The following PITPNM2 variants were observed in gnomAD, a reference collection of about 807,000 sequenced individuals.
The protein encoded by PITPNM2 is phosphatidylinositol transfer protein membrane associated 2.
PITPNM2 carries 35 observed loss-of-function variants against 132.2 expected under a neutral mutation model. The observed-to-expected ratio is 0.26, with a 90% CI of 0.20 to 0.35. The LOEUF (loss-of-function observed/expected upper bound fraction) is 0.35, where lower values mean the gene tolerates loss of function less well. Ranked by LOEUF, PITPNM2 falls within the 10% of genes least tolerant of loss-of-function variation. The pLI is 1.00. For synonymous variants in PITPNM2, 738 were observed against 799.2 expected (o/e 0.92, Z 1.29); for missense variants, 1,332 against 1,912.0 (o/e 0.70, Z 5.66).
chr12:122,985,914 C>A lies in PITPNM2; in HGVS notation c.*113G>T. Reference sequence around the variant, plus strand: ...GTGCGGCCCGTGTCCTCCACAAGGCCCTGGGACAATCTCCCAGGCCCACGT... The same window carrying A: ...GTGCGGCCCGTGTCCTCCACAAGGCACTGGGACAATCTCCCAGGCCCACGT... On this transcript the variant is annotated 3_prime_UTR_variant, in exon 26 of 26. Transcript: ENST00000320201. The A allele has an allele frequency of 9.5e-7, 1 of 1,049,340 alleles. No individual in the cohort carries two copies. The highest frequency in any genetic ancestry group is 2.2e-5 in the South Asian group (1 of 45,358). The allele number at this position is 1,049,340 out of a possible 1,614,324, so 65.0% of individuals were successfully genotyped here.
At chr12:123,128,949 A>C (rs2043205057) in intron 1 of PITPNM2, among the ~76,000 whole-genome samples, 1 of 152,094 alleles carries the variant, frequency 6.6e-6, no homozygotes, top group East Asian at 1.9e-4. Context: ...AGTCTGGCCA[A>C]CATGGCGAAA....
chr12:123,128,539 G>A (rs1472639393), intron 1 of PITPNM2, among the ~76,000 whole-genome samples: 1 of 150,956 alleles, frequency 6.6e-6, no homozygotes, highest in African/African-American at 2.4e-5. Flanking sequence ...AAATCACAAG[G>A]TCAGAAGATC....
intron 1 of PITPNM2, among the ~76,000 whole-genome samples, chr12:123,134,617 CA>C (rs1178399639): frequency 6.6e-6 from 1 of 151,648 alleles, no homozygotes; most frequent in African/African-American, 2.4e-5. Context: ...GCGCCCAGGA[CA>C]GGTTTTCCCA....
intron 1 of PITPNM2, among the ~76,000 whole-genome samples, chr12:123,148,948 A>T (rs925232317): frequency 6.6e-6 from 1 of 152,116 alleles, no homozygotes; most frequent in African/African-American, 2.4e-5. Flanking sequence ...TGGGAGCACC[A>T]TGCCTTTGAA....
At chr12:123,074,838 G>A (rs1400707285) in intron 2 of PITPNM2, among the ~76,000 whole-genome samples, 1 of 152,222 alleles carries the variant, frequency 6.6e-6, no homozygotes, top group Non-Finnish European at 1.5e-5. Flanking sequence ...GAGGAAAAGA[G>A]GGAACAGAGG....
In PITPNM2 at chr12:123,004,303, C is replaced by A; in HGVS notation, c.1048+91G>T. 2.5e-6 allele frequency: 3 copies of A among 1,191,004 alleles called. No individual in the cohort carries two copies. The highest frequency in any genetic ancestry group is 1.2e-5 in the South Asian group (1 of 80,330). 73.8% of individuals were successfully genotyped at this position (1,191,004 alleles called of 1,614,324 possible). The stretch of plus-strand genomic sequence containing the variant: ...ATAGAATAGTAACAGGCAACACCCG[C>A]ATCAGTCCACACCCACACCCTAAGC... On this transcript the variant is annotated intron_variant, in intron 8 of 25. Transcript: ENST00000320201. This position sits in a 1 kb window ranked among gnomAD's most constrained non-coding sequence, Gnocchi z 4.9.
intron 1 of PITPNM2, among the ~76,000 whole-genome samples, chr12:123,124,474 G>C (rs2043097892): frequency 6.6e-6 from 1 of 152,046 alleles, no homozygotes; most frequent in African/African-American, 2.4e-5. Context: ...TATATACAGA[G>C]AATCTCTCTG....
chr12:123,012,303 C>T (rs547005493), intron 5 of PITPNM2, among the ~76,000 whole-genome samples: 10 of 152,344 alleles, frequency 6.6e-5, no homozygotes, highest in African/African-American at 2.2e-4. Flanking sequence ...TTGTGCATGG[C>T]TGTCAGCTAG....
chr12:123,076,202 A>T (rs1424045184), intron 2 of PITPNM2: 1 of 152,278 alleles, frequency 6.6e-6, no homozygotes, highest in East Asian at 1.9e-4. Context: ...AGAAGCCTGC[A>T]CACCGCCCAG....
rs1442915120 is a variant in PITPNM2 at position 122,987,647 on chromosome 12, T to G, written c.3127A>C (p.Ile1043Leu). ...TCGCCTGAGGGCGGCTGGGTCATGA[T>G]GTGCACATCCACCTGGGCCCAGCAG... ...TLTGEKVDVH[I>L]MTQPPSGEWL... is the part of the protein sequence containing the mutation. The change falls in exon 22 of 26, where the codon ATC becomes CTC. Residue 1043 changes from isoleucine (I) to leucine (L), a missense_variant. Ile to Leu is a conservative substitution (Grantham distance 5). Around this residue, in one of 6 missense-constraint regions of PITPNM2, gnomAD observed 251 missense variants for 472.0 expected, o/e 0.53. Transcript: ENST00000320201. 1 of 1,613,118 alleles carries G rather than the reference T, an allele frequency of 6.2e-7. No homozygotes were observed. Among genetic ancestry groups the G allele is most frequent in the African/African-American group, 1.3e-5 (1 of 74,926 alleles).
intron 1 of PITPNM2, among the ~76,000 whole-genome samples, chr12:123,118,790 A>T (rs900214804): frequency 2.0e-5 from 3 of 152,184 alleles, no homozygotes; most frequent in Non-Finnish European, 4.4e-5. Context: ...ATCCTCGTTA[A>T]TGTCAACACG....
intron 1 of PITPNM2, among the ~76,000 whole-genome samples, chr12:123,149,533 C>T (rs2043685029): frequency 6.6e-6 from 1 of 152,190 alleles, no homozygotes; most frequent in Non-Finnish European, 1.5e-5. Context: ...CCTTCTGCTC[C>T]ACGGAGACAC....
intron 1 of PITPNM2, among the ~76,000 whole-genome samples, chr12:123,127,776 A>AT (rs1301451924): frequency 6.6e-6 from 1 of 151,804 alleles, no homozygotes; most frequent in Non-Finnish European, 1.5e-5. Flanking sequence ...CGCCTGGCTA[A>AT]TTTTTTGTAT....
chr12:123,137,892 CA>C (rs72436741), intron 1 of PITPNM2, among the ~76,000 whole-genome samples: 87 of 127,020 alleles, frequency 6.8e-4, no homozygotes, highest in East Asian at 2.6e-3. Flanking sequence ...GATTCTGTCT[CA>C]AAAAAAAAAA....
Position 122,984,194 on chromosome 12 carries a change from C to CT in PITPNM2, c.*1832dup, listed in dbSNP as rs2037843035. On this transcript the variant is annotated 3_prime_UTR_variant, in exon 26 of 26. Transcript: ENST00000320201. The stretch of plus-strand genomic sequence containing the variant: ...CCCCCCTGGGGAGAGGCTGAGCCCA[C>CT]TGCCCACAGGGCCTCCCGGCCTTTA... 1 of 152,672 alleles carries CT rather than the reference C, an allele frequency of 6.5e-6. No homozygotes were observed. Among genetic ancestry groups the CT allele is most frequent in the African/African-American group, 2.4e-5 (1 of 41,470 alleles). 9.5% of individuals were successfully genotyped at this position (152,672 alleles called of 1,614,324 possible).
At chr12:123,116,052 T>C (rs565181330) in intron 1 of PITPNM2, among the ~76,000 whole-genome samples, 3 of 152,182 alleles carry the variant, frequency 2.0e-5, no homozygotes, top group Non-Finnish European at 4.4e-5. Context: ...GACTGTTACT[T>C]TGGTGGCCTT....
chr12:123,067,215 G>C (rs1422870994), intron 2 of PITPNM2, among the ~76,000 whole-genome samples: 1 of 152,118 alleles, frequency 6.6e-6, no homozygotes, highest in East Asian at 1.9e-4. Context: ...CCAGCACTTT[G>C]GGAACCAAGG....
chr12:123,003,574 C>A (rs2038789594), intron 8 of PITPNM2, among the ~76,000 whole-genome samples: 1 of 152,236 alleles, frequency 6.6e-6, no homozygotes, highest in South Asian at 2.1e-4. Context: ...TCCCCAGGTT[C>A]CTTCCCTTGA....
chr12:123,124,629 G>A (rs543058724), intron 1 of PITPNM2, among the ~76,000 whole-genome samples: 79 of 152,116 alleles, frequency 5.2e-4, no homozygotes, highest in African/African-American at 1.8e-3. Flanking sequence ...GTGCAGGTTT[G>A]TTACATATGT....
Sources: gnomAD v4.1 joint callset for allele counts (sites outside exome capture counted in the v4.1 genomes callset) on GRCh38, gnomAD v4.1.1 for gene constraint, gnomAD v4.1.1 regional missense constraint, Gnocchi (gnomAD v3.1) non-coding constraint, MANE v1.5 for transcripts, NCBI Gene and HGNC (gene_info 2026-07-23, HGNC 2026-07-21) for gene names.